Variants in FTO observed in about 807,000 individuals in gnomAD.
FTO encodes FTO alpha-ketoglutarate dependent dioxygenase, also known as alpha-ketoglutarate-dependent dioxygenase FTO.
In FTO, 47 loss-of-function variants were observed where a neutral mutation model predicts 63.9. The ratio of observed to expected loss-of-function variants is 0.74; its 90% CI spans 0.58 to 0.94. FTO has a LOEUF of 0.94. Among genes scored for constraint, FTO ranks in the 40% least tolerant of loss-of-function variants. The probability of loss-of-function intolerance (pLI) is 0.00; values close to 1 mark genes in which losing one functional copy is unlikely to be tolerated. For synonymous variants in FTO, 207 were observed against 224.4 expected (o/e 0.92, Z 0.69); for missense variants, 562 against 618.1 (o/e 0.91, Z 0.96).
At chr16:54,084,173 C>T (rs2086210079) in intron 8 of FTO, among the ~76,000 whole-genome samples, 1 of 152,228 alleles carries the variant, frequency 6.6e-6, no homozygotes, top group South Asian at 2.1e-4. Flanking sequence ...CCTGTACTGG[C>T]TCTCTGTCCT....
At chr16:53,978,028 T>A (rs1010234754) in intron 8 of FTO, among the ~76,000 whole-genome samples, 27 of 152,320 alleles carry the variant, frequency 1.8e-4, no homozygotes, top group Admixed American at 3.9e-4. Context: ...GGCTAATTTT[T>A]AAAAAAATTT....
intron 8 of FTO, among the ~76,000 whole-genome samples, chr16:54,021,642 A>C (rs1271943405): frequency 6.6e-6 from 1 of 152,080 alleles, no homozygotes; most frequent in Non-Finnish European, 1.5e-5. Flanking sequence ...GGAGCACACT[A>C]TCACACCCAG....
intron 3 of FTO, among the ~76,000 whole-genome samples, chr16:53,836,494 C>T (rs2079297580): frequency 6.6e-6 from 1 of 152,030 alleles, no homozygotes; most frequent in Non-Finnish European, 1.5e-5. Flanking sequence ...GTATTTTTTG[C>T]CCCAAATCTG....
chr16:53,897,773 T>C (rs1021512515), intron 7 of FTO, among the ~76,000 whole-genome samples: 7 of 152,118 alleles, frequency 4.6e-5, no homozygotes, highest in African/African-American at 1.7e-4. Context: ...CATCCAGTAA[T>C]AAATATCTCA....
At chr16:54,037,619 C>T (rs935136629) in intron 8 of FTO, among the ~76,000 whole-genome samples, 2 of 151,990 alleles carry the variant, frequency 1.3e-5, no homozygotes, top group African/African-American at 4.8e-5. Flanking sequence ...GTCATTTTTT[C>T]CTATTGCCTA....
chr16:53,978,486 T>G (rs980958994), intron 8 of FTO, among the ~76,000 whole-genome samples: 1 of 152,200 alleles, frequency 6.6e-6, no homozygotes, highest in Non-Finnish European at 1.5e-5. Flanking sequence ...CCAAACATCG[T>G]TTTAGGTTTT....
chr16:54,038,806 A>G (rs557312842), intron 8 of FTO, among the ~76,000 whole-genome samples: 10 of 152,214 alleles, frequency 6.6e-5, no homozygotes, highest in Non-Finnish European at 1.3e-4. Flanking sequence ...ATCAGAAGCC[A>G]AGTAGATGCT....
At chr16:54,048,359 T>A in intron 8 of FTO, among the ~76,000 whole-genome samples, 1 of 151,738 alleles carries the variant, frequency 6.6e-6, no homozygotes, top group East Asian at 1.9e-4. Flanking sequence ...TAGGTCTCCC[T>A]TCATGGAAGG....
At chr16:53,911,392 A>C (rs925727658) in intron 7 of FTO, 1 of 703,126 alleles carries the variant, frequency 1.4e-6, no homozygotes, top group African/African-American at 1.7e-5. Context: ...GGAGTGGAGG[A>C]AAGTCAGCGA....
intron 4 of FTO, among the ~76,000 whole-genome samples, chr16:53,852,776 G>C (rs2079850470): frequency 6.6e-6 from 1 of 152,172 alleles, no homozygotes; most frequent in South Asian, 2.1e-4. Context: ...TTTGAATCAT[G>C]ACTTTGTTGC....
chr16:53,821,460 T>C (rs548625201), intron 2 of FTO, among the ~76,000 whole-genome samples: 7 of 152,344 alleles, frequency 4.6e-5, no homozygotes, highest in African/African-American at 1.7e-4. Flanking sequence ...CAGGATTGCA[T>C]TGCTTTCTTC....
At chr16:53,988,795 A>G (rs2083731912) in intron 8 of FTO, among the ~76,000 whole-genome samples, 1 of 152,080 alleles carries the variant, frequency 6.6e-6, no homozygotes, top group African/African-American at 2.4e-5. Context: ...ATAGGTTTGA[A>G]CCCATTATGC....
At chr16:53,908,105 C>A (rs2081582813) in intron 7 of FTO, among the ~76,000 whole-genome samples, 1 of 152,150 alleles carries the variant, frequency 6.6e-6, no homozygotes, top group African/African-American at 2.4e-5. Context: ...AATTGTTGAT[C>A]ATATTGTAAA....
chr16:53,751,324 G>A (rs2076786427), intron 1 of FTO, among the ~76,000 whole-genome samples: 1 of 152,174 alleles, frequency 6.6e-6, no homozygotes, highest in South Asian at 2.1e-4. Flanking sequence ...CGGGCGTGGT[G>A]GCCGGTGCCT....
chr16:53,785,403 T>G (rs1227954973), intron 1 of FTO, among the ~76,000 whole-genome samples: 1 of 152,106 alleles, frequency 6.6e-6, no homozygotes, highest in Non-Finnish European at 1.5e-5. Context: ...AGACAAAAAT[T>G]AAGTACAAAT....
At chr16:53,916,812 A>G (rs1364644524) in intron 7 of FTO, among the ~76,000 whole-genome samples, 1 of 152,060 alleles carries the variant, frequency 6.6e-6, no homozygotes, top group Non-Finnish European at 1.5e-5. Flanking sequence ...CATTATTTTC[A>G]CCCTTGACCT....
intron 8 of FTO, among the ~76,000 whole-genome samples, chr16:54,084,480 T>G (rs2086218382): frequency 6.6e-6 from 1 of 152,186 alleles, no homozygotes; most frequent in Non-Finnish European, 1.5e-5. Context: ...ATGAGTTAGG[T>G]TCTGTATTGC....
chr16:53,908,559 C>G (rs981688641), intron 7 of FTO, among the ~76,000 whole-genome samples: 1 of 152,182 alleles, frequency 6.6e-6, no homozygotes, highest in Non-Finnish European at 1.5e-5. Context: ...GGTCTGGTGC[C>G]ATCCTCTTTG....
chr16:54,040,761 C>G (rs192470210), intron 8 of FTO: 1 of 152,050 alleles, frequency 6.6e-6, no homozygotes, highest in East Asian at 1.9e-4. Flanking sequence ...AGGAGTGATG[C>G]GAGATGAGAA....
Sources: gnomAD v4.1 joint callset for allele counts (sites outside exome capture counted in the v4.1 genomes callset) on GRCh38, gnomAD v4.1.1 for gene constraint, MANE v1.5 for transcripts, NCBI Gene and HGNC (gene_info 2026-07-23, HGNC 2026-07-21) for gene names.